KCNC4: variants seen among roughly 807,000 people sequenced by gnomAD.
KCNC4 encodes the protein voltage-gated potassium channel KCNC4.
Under a neutral mutation model 42.8 loss-of-function variants are expected in KCNC4, and 23 were observed. The observed-to-expected ratio is 0.54, with a 90% CI of 0.39 to 0.76. KCNC4 has a LOEUF of 0.76. Among genes scored for constraint, KCNC4 ranks in the 30% least tolerant of loss-of-function variants. KCNC4 has a pLI of 0.00. For missense variants in KCNC4, 751 were observed against 898.2 expected (o/e 0.84, Z 2.10); for synonymous variants, 422 against 393.5 (o/e 1.07, Z -0.86).
At chr1:110,231,400 C>G (rs914643907) in intron 3 of KCNC4, among the ~76,000 whole-genome samples, 13 of 152,270 alleles carry the variant, frequency 8.5e-5, no homozygotes, top group African/African-American at 3.1e-4. Flanking sequence ...TCTCAGAGGT[C>G]CCTGAGGATG....
intron 2 of KCNC4, chr1:110,224,850 G>A (rs1261072324): frequency 6.6e-6 from 1 of 152,396 alleles, no homozygotes; most frequent in East Asian, 1.9e-4. Flanking sequence ...CTGGAGCCAG[G>A]AGACTAAGGC....
intron 1 of KCNC4, among the ~76,000 whole-genome samples, chr1:110,268,029 G>C (rs1659572982): frequency 6.6e-6 from 1 of 152,186 alleles, no homozygotes; most frequent in Admixed American, 6.5e-5. Context: ...CCCGAGTCAT[G>C]TAAGCAGGGG....
At chr1:110,257,531 T>TGC (rs1659355621) in intron 1 of KCNC4, among the ~76,000 whole-genome samples, 1 of 150,072 alleles carries the variant, frequency 6.7e-6, no homozygotes, top group Non-Finnish European at 1.5e-5. Context: ...CTGGCTAACA[T>TGC]GGTGAAACCC....
chr1:110,258,355 C>T (rs1490148567), intron 1 of KCNC4, among the ~76,000 whole-genome samples: 3 of 151,944 alleles, frequency 2.0e-5, no homozygotes, highest in Non-Finnish European at 2.9e-5. Context: ...CTCCTGCCTC[C>T]GCCTCCTGAG....
At chr1:110,265,525 C>T (rs1017208501) in intron 1 of KCNC4, among the ~76,000 whole-genome samples, 21 of 152,176 alleles carry the variant, frequency 1.4e-4, no homozygotes, top group African/African-American at 5.1e-4. Context: ...GTCATCCAGG[C>T]CCCTGTTCCC....
At chr1:110,274,660 T>C (rs931909519) in intron 1 of KCNC4, among the ~76,000 whole-genome samples, 5 of 152,140 alleles carry the variant, frequency 3.3e-5, no homozygotes, top group African/African-American at 7.2e-5. Flanking sequence ...ATCATAAAAA[T>C]AGACACAAAG....
rs2101043621 is a variant in KCNC4, at chr1:110,233,021, C to T, written c.*49C>T. The T allele has an allele frequency of 6.3e-7, 1 of 1,581,576 alleles. No individual in the cohort carries two copies. The highest frequency in any genetic ancestry group is 1.2e-5 in the South Asian group (1 of 86,874). ...AGGCAGACAGACAGAAAGCCAGAGG[C>T]TTAGGGAAACTCTGGAACCCAGACA... On this transcript the variant is annotated 3_prime_UTR_variant, in exon 4 of 4. Coordinates refer to ENST00000438661, the MANE Select transcript of KCNC4 (RefSeq NM_001039574.3).
At chr1:110,267,052 G>A (rs941166921) in intron 1 of KCNC4, among the ~76,000 whole-genome samples, 1 of 152,224 alleles carries the variant, frequency 6.6e-6, no homozygotes, top group African/African-American at 2.4e-5. Flanking sequence ...CAGCCCGCAC[G>A]CCTCTGTGGG....
chr1:110,281,471 G>A (rs2101095681), intron 1 of KCNC4, among the ~76,000 whole-genome samples: 1 of 151,790 alleles, frequency 6.6e-6, no homozygotes, highest in Non-Finnish European at 1.5e-5. Context: ...CCCATGGACT[G>A]AGGAAGATAG....
At position 110,257,288 on chromosome 1, in the gene KCNC4, C is replaced by G. The variant is rs376852047; in HGVS notation, n.31-25246C>G. On this transcript the variant is annotated intron_variant and non_coding_transcript_variant, in intron 1 of 2. Coordinates refer to the KCNC4 transcript ENST00000412512. ...GTACAGGCCACTGATGTGACTGACA[C>G]AGTTGATAACATGGAGCCTGTCCAG... Among the ~76,000 whole-genome samples the G allele has an allele frequency of 4.7e-4, 71 of 152,274 alleles. 1 individual carries two copies. Among genetic ancestry groups the G allele is most frequent in the African/African-American group, 1.3e-3 (54 of 41,534 alleles).
intron 1 of KCNC4, among the ~76,000 whole-genome samples, chr1:110,261,373 T>G (rs1359868745): frequency 6.6e-6 from 1 of 152,208 alleles, no homozygotes; most frequent in Non-Finnish European, 1.5e-5. Context: ...AAAACATTGC[T>G]GAAAAAATTT....
Position 110,211,252 on chromosome 1 carries a change from C to T in KCNC4, c.-248C>T. ...TTGCTTCTACTTCCCCGGGTCCTCC[C>T]TCTCTGCGCCTCCCTCTCTCCGGAG... On this transcript the variant is annotated 5_prime_UTR_variant, in exon 1 of 4. Coordinates refer to ENST00000438661, the MANE Select transcript of KCNC4 (RefSeq NM_001039574.3). The surrounding 1 kb of genome is among the most constrained non-coding windows in gnomAD (Gnocchi z 6.5). 1.8e-6 allele frequency: 1 copy of T among 550,560 alleles called. No individual in the cohort carries two copies. The highest frequency in any genetic ancestry group is 3.2e-6 in the Non-Finnish European group (1 of 313,066). The allele number at this position is 550,560 out of a possible 1,614,324, so 34.1% of individuals were successfully genotyped here. A position where few individuals can be genotyped will look rare whatever the true frequency, so the allele number is the denominator to read the frequency against.
downstream of KCNC4, among the ~76,000 whole-genome samples, chr1:110,254,090 C>CGGG (rs11305916): frequency 1.2e-4 from 13 of 109,350 alleles, no homozygotes; most frequent in Non-Finnish European, 1.4e-4. Flanking sequence ...AGGCAGAAGT[C>CGGG]GGGGGGGGGG....
At chr1:110,273,734 T>C (rs1659673018) in intron 1 of KCNC4, among the ~76,000 whole-genome samples, 1 of 152,236 alleles carries the variant, frequency 6.6e-6, no homozygotes, top group Non-Finnish European at 1.5e-5. Context: ...CCACTGGATA[T>C]GGGTGAGTGG....
At chr1:110,228,949 G>T (rs1314522855) in intron 3 of KCNC4, 1 of 152,206 alleles carries the variant, frequency 6.6e-6, no homozygotes, top group Non-Finnish European at 1.5e-5. Flanking sequence ...TGGGCTGTAG[G>T]TGCACACCCC....
At chr1:110,224,261 T>A (rs1658274494) in intron 2 of KCNC4, 2 of 230,510 alleles carry the variant, frequency 8.7e-6, no homozygotes, top group African/African-American at 4.5e-5. Flanking sequence ...GGGAATAATA[T>A]CATATCCTAC....
intron 1 of KCNC4, 158 bp from the exon 2 acceptor site, chr1:110,222,806 C>G (rs1345375920): frequency 1.3e-5 from 8 of 605,512 alleles, no homozygotes; most frequent in Non-Finnish European, 2.1e-5. Flanking sequence ...GATAAAGACC[C>G]TCTGAGGAGG....
chr1:110,233,034 T>C lies in KCNC4; in HGVS notation c.*62T>C, dbSNP rs959824920. 6.4e-7 allele frequency: 1 copy of C among 1,558,846 alleles called. No individual in the cohort carries two copies. Among genetic ancestry groups the C allele is most frequent in the East Asian group, 2.3e-5 (1 of 42,730 alleles). ...GAAAGCCAGAGGCTTAGGGAAACTC[T>C]GGAACCCAGACAAGAATCTTTTCGC... is the stretch of plus-strand genomic sequence containing the variant. On this transcript the variant is annotated 3_prime_UTR_variant, in exon 4 of 4. Coordinates refer to ENST00000438661, the MANE Select transcript of KCNC4 (RefSeq NM_001039574.3).
At chr1:110,215,214 A>G (rs372981905) in intron 1 of KCNC4, among the ~76,000 whole-genome samples, 4 of 152,330 alleles carry the variant, frequency 2.6e-5, no homozygotes, top group East Asian at 1.9e-4. Flanking sequence ...GCCTGGCCCA[A>G]GGAGCTGTTC....
Sources: allele counts gnomAD v4.1 joint callset (sites outside exome capture counted in the v4.1 genomes callset), GRCh38; gene constraint gnomAD v4.1.1; non-coding constraint Gnocchi (gnomAD v3.1); transcripts MANE v1.5; gene names NCBI Gene and HGNC (gene_info 2026-07-23, HGNC 2026-07-21).